Variants in DERA observed in about 807,000 individuals in gnomAD.
DERA encodes the protein 2-deoxy-D-ribose 5-phosphate aldolase.
DERA carries 15 observed loss-of-function variants against 41.1 expected under a neutral mutation model. That is an observed-to-expected ratio of 0.37 (90% confidence interval 0.24 to 0.56). DERA has a LOEUF of 0.56. Among genes scored for constraint, DERA ranks in the 20% least tolerant of loss-of-function variants. DERA has a pLI of 0.81. For synonymous variants in DERA, 139 were observed against 137.4 expected (o/e 1.01, Z -0.08); for missense variants, 396 against 403.4 (o/e 0.98, Z 0.16).
chr12:15,956,587 CAG>C (rs1948540886), intron 1 of DERA: 4 of 371,642 alleles, frequency 1.1e-5, no homozygotes, highest in African/African-American at 8.5e-5. Flanking sequence ...TCTTTGCTCT[CAG>C]AGGTGAGGTA....
rs1184534758 is a variant in DERA, at chr12:15,954,907, T to TG, written c.32-2027dup. On this transcript the variant is annotated intron_variant, in intron 1 of 8. Transcript: ENST00000428559. This position sits in a 1 kb window ranked among gnomAD's most constrained non-coding sequence, Gnocchi z 4.0. Reference sequence around the variant, plus strand: ...TCAACAATTAGTTGGCAGTGAGTCTTGGAGTTCACATACTCTTCACTCATT... The same window carrying TG: ...TCAACAATTAGTTGGCAGTGAGTCTTGGGAGTTCACATACTCTTCACTCATT... 3.3e-5 allele frequency among the ~76,000 whole-genome samples: 5 copies of TG among 152,096 alleles called. No individual in the cohort carries two copies. The highest frequency in any genetic ancestry group is 1.2e-4 in the African/African-American group (5 of 41,416).
At chr12:15,955,003 A>T (rs1036276474) in intron 1 of DERA, among the ~76,000 whole-genome samples, 1 of 152,042 alleles carries the variant, frequency 6.6e-6, no homozygotes, top group Non-Finnish European at 1.5e-5. Context: ...AGGAGAAAAA[A>T]AAAAAGCCTC....
At position 15,965,151 on chromosome 12, in the gene DERA, T is replaced by G. The variant is rs1948613772; in HGVS notation, c.508+2204T>G. 1.3e-5 allele frequency among the ~76,000 whole-genome samples: 2 copies of G among 152,232 alleles called. No individual in the cohort carries two copies. The highest frequency in any genetic ancestry group is 2.4e-5 in the African/African-American group (1 of 41,468). ...AGTGTCATGTTTTAATATTAGCTGT[T>G]TATTAAAATATGAGCATAAAATAAT... On this transcript the variant is annotated intron_variant, in intron 5 of 8. Coordinates refer to ENST00000428559, the MANE Select transcript of DERA (RefSeq NM_015954.4). This position sits in a 1 kb window ranked among gnomAD's most constrained non-coding sequence, Gnocchi z 4.1.
At chr12:15,991,203 A>T (rs1483508001) in intron 6 of DERA, among the ~76,000 whole-genome samples, 3 of 152,100 alleles carry the variant, frequency 2.0e-5, no homozygotes, top group East Asian at 3.8e-4. Context: ...TTTCTCTAAT[A>T]ATCAGTGATG....
At chr12:15,955,597 A>G (rs754766022) in intron 1 of DERA, among the ~76,000 whole-genome samples, 1 of 152,190 alleles carries the variant, frequency 6.6e-6, no homozygotes, top group Non-Finnish European at 1.5e-5. Context: ...TAACAAAATA[A>G]TTAGAGAGAA....
Position 16,000,301 on chromosome 12 carries a change from C to A in DERA, c.637+17865C>A, listed in dbSNP as rs1039606641. 3.3e-5 allele frequency among the ~76,000 whole-genome samples: 5 copies of A among 152,114 alleles called. No individual in the cohort carries two copies. The highest frequency in any genetic ancestry group is 7.2e-5 in the African/African-American group (3 of 41,426). On this transcript the variant is annotated intron_variant, in intron 6 of 8. Coordinates refer to ENST00000428559, the MANE Select transcript of DERA (RefSeq NM_015954.4). This position sits in a 1 kb window ranked among gnomAD's most constrained non-coding sequence, Gnocchi z 4.8. ...ACCGCTTTTCCTCTACTTTTCTGTTCTTGCAACAAGGAAAAACATAGTAAC... is the reference window on the plus strand; with the variant it reads ...ACCGCTTTTCCTCTACTTTTCTGTTATTGCAACAAGGAAAAACATAGTAAC...
rs748134737 is a variant in DERA at position 15,998,413 on chromosome 12, G to A, written c.637+15977G>A. On this transcript the variant is annotated intron_variant, in intron 6 of 8. Transcript: ENST00000428559. This position sits in a 1 kb window ranked among gnomAD's most constrained non-coding sequence, Gnocchi z 4.8. ...GCTCACGGCAACCTCCGCCTTCCGG[G>A]TTCAAGCAGTTCTCCCGCCTCAGCC... is the stretch of plus-strand genomic sequence containing the variant. 2.0e-5 allele frequency among the ~76,000 whole-genome samples: 3 copies of A among 152,096 alleles called. No homozygotes were observed. The highest frequency in any genetic ancestry group is 4.4e-5 in the Non-Finnish European group (3 of 68,030).
At chr12:15,956,516 C>A (rs1361238646) in intron 1 of DERA, 1 of 349,146 alleles carries the variant, frequency 2.9e-6, no homozygotes, top group South Asian at 2.3e-5. Flanking sequence ...TAAGCCCCAC[C>A]ATTAGTTCAC....
In DERA at chr12:15,957,530, T is replaced by C. The variant is rs1948549158; in HGVS notation, c.129+497T>C. On this transcript the variant is annotated intron_variant, in intron 2 of 8. Coordinates refer to ENST00000428559, the MANE Select transcript of DERA (RefSeq NM_015954.4). This position sits in a 1 kb window ranked among gnomAD's most constrained non-coding sequence, Gnocchi z 4.8. ...AGAGTACTTGCGGTCAGCATTTTCT[T>C]CAGTGTATCCCAACCAAAGACGTGC... is the stretch of plus-strand genomic sequence containing the variant. Among the ~76,000 whole-genome samples, 1 of 152,164 alleles carries C rather than the reference T, an allele frequency of 6.6e-6. No individual in the cohort carries two copies. Among genetic ancestry groups the C allele is most frequent in the African/African-American group, 2.4e-5 (1 of 41,436 alleles).
intron 5 of DERA, among the ~76,000 whole-genome samples, chr12:15,979,566 C>T (rs1177690881): frequency 6.6e-6 from 1 of 152,122 alleles, no homozygotes; most frequent in Non-Finnish European, 1.5e-5. Context: ...AGAATGGTAA[C>T]AGAAAGAAAT....
chr12:15,945,833 T>G (rs1488714503), intron 1 of DERA, among the ~76,000 whole-genome samples: 2 of 152,148 alleles, frequency 1.3e-5, no homozygotes, highest in African/African-American at 4.8e-5. Context: ...ATGCTTCCAG[T>G]TTTTGTGCAT....
chr12:15,945,577 G>T (rs1948441243), intron 1 of DERA, among the ~76,000 whole-genome samples: 2 of 152,190 alleles, frequency 1.3e-5, no homozygotes, highest in Non-Finnish European at 2.9e-5. Context: ...CATTGATTTT[G>T]TATCCTGAGA....
intron 1 of DERA, among the ~76,000 whole-genome samples, chr12:15,948,411 CT>C (rs1948468815): frequency 6.6e-6 from 1 of 152,086 alleles, no homozygotes; most frequent in African/African-American, 2.4e-5. Flanking sequence ...TCTTTTTACT[CT>C]TTTTTCTCTA....
intron 6 of DERA, among the ~76,000 whole-genome samples, chr12:16,031,688 G>T (rs1051969099): frequency 3.9e-5 from 6 of 152,116 alleles, no homozygotes; most frequent in African/African-American, 1.4e-4. Context: ...GTGATGTATT[G>T]TTTAGGCTAG....
At chr12:16,022,023 G>A (rs978950631) in intron 6 of DERA, among the ~76,000 whole-genome samples, 8 of 152,198 alleles carry the variant, frequency 5.3e-5, no homozygotes, top group African/African-American at 1.9e-4. Flanking sequence ...ATGTGAAAAG[G>A]ACATGAGATT....
In DERA at chr12:16,026,221, A is replaced by C. The variant is rs1034850396; in HGVS notation, c.638-6321A>C. 5.9e-5 allele frequency among the ~76,000 whole-genome samples: 9 copies of C among 151,942 alleles called. No homozygotes were observed. Among genetic ancestry groups the C allele is most frequent in the South Asian group, 2.1e-4 (1 of 4,822 alleles). On this transcript the variant is annotated intron_variant, in intron 6 of 8. Transcript: ENST00000428559. This position sits in a 1 kb window ranked among gnomAD's most constrained non-coding sequence, Gnocchi z 4.4. ...AAATTGAAAACAAAAACAACAGAGA[A>C]ATTTTTTTTTTTAAATATCCTAAAA...
At chr12:15,926,740 AAG>A (rs1948288591) in intron 1 of DERA, among the ~76,000 whole-genome samples, 1 of 131,534 alleles carries the variant, frequency 7.6e-6, no homozygotes, top group Non-Finnish European at 1.7e-5. Flanking sequence ...CCGTCTCAAA[AAG>A]AAAAAAAAAA....
chr12:15,951,911 CTTTTTT>C (rs930942576), intron 1 of DERA, among the ~76,000 whole-genome samples: 1 of 141,484 alleles, frequency 7.1e-6, no homozygotes. Context: ...TTTTTTTTTT[CTTTTTT>C]TTGAGACGGA....
At position 15,929,461 on chromosome 12, in the gene DERA, TTG is replaced by T. The variant is rs746222036; in HGVS notation, c.31+18049_31+18050del. 7.2e-5 allele frequency among the ~76,000 whole-genome samples: 11 copies of T among 152,196 alleles called. 1 individual carries two copies. The East Asian group carries it at 1.5e-3, about 21-fold the overall frequency. On this transcript the variant is annotated intron_variant, in intron 1 of 8. Transcript: ENST00000428559. Reference sequence around the variant, plus strand: ...CTGTGCTCCATAATGTAGCGGAGGCTTGTTTGTTTGTTTGTTTTGGGAGACAA... The same window carrying T: ...CTGTGCTCCATAATGTAGCGGAGGCTTTTGTTTGTTTGTTTTGGGAGACAA...
Sources: allele counts gnomAD v4.1 joint callset (sites outside exome capture counted in the v4.1 genomes callset), GRCh38; gene constraint gnomAD v4.1.1; non-coding constraint Gnocchi (gnomAD v3.1); transcripts MANE v1.5; gene names NCBI Gene and HGNC (gene_info 2026-07-23, HGNC 2026-07-21).